TBX18: variants seen among roughly 807,000 people sequenced by gnomAD.
TBX18 encodes T-box transcription factor 18, also known as T-box transcription factor TBX18.
In TBX18, 21 loss-of-function variants were observed where a neutral mutation model predicts 55.0. The observed-to-expected ratio is 0.38, with a 90% confidence interval of 0.27 to 0.55. The LOEUF (loss-of-function observed/expected upper bound fraction) is 0.55. Among genes scored for constraint, TBX18 ranks in the 20% least tolerant of loss-of-function variants. The pLI, the probability that TBX18 is intolerant of heterozygous loss-of-function variation, is 0.73. For synonymous variants in TBX18, 342 were observed against 326.1 expected, an observed-to-expected ratio of 1.05 and a Z score of -0.53; for missense variants, 840 against 799.6, an observed-to-expected ratio of 1.05 and a Z score of -0.61.
chr6:84,737,300 C>A lies in TBX18; in HGVS notation c.1209G>T (p.Gly403=). Residue 403 remains glycine (G), a synonymous_variant, in exon 8 of 8, where the codon GGG becomes GGT. Transcript: ENST00000369663. ...GACTACACAGCTGGCTGGTGTTGGG[C>A]CCCAGATGGAAGGCAGGAGAGGAGC... The part of the protein sequence containing the change: ...SSCSSPAFHL[G]PNTSQLCSLA... 6.9e-6 allele frequency: 11 copies of A among 1,605,648 alleles called. No homozygotes were observed. Among genetic ancestry groups the A allele is most frequent in the Non-Finnish European group, 9.4e-6 (11 of 1,175,876 alleles).
chr6:84,746,348 C>A (rs1767186130), intron 5 of TBX18, among the ~76,000 whole-genome samples: 1 of 149,226 alleles, frequency 6.7e-6, no homozygotes, highest in Non-Finnish European at 1.5e-5. Context: ...AAATCGTTTT[C>A]TGTCCCTAAT....
intron 4 of TBX18, among the ~76,000 whole-genome samples, chr6:84,750,633 G>A (rs1341195916): frequency 1.3e-5 from 2 of 152,102 alleles, no homozygotes; most frequent in South Asian, 2.1e-4. Context: ...TGGAAGCTGG[G>A]TCCCTTGGCC....
At chr6:84,763,811 C>T in intron 1 of TBX18, 79 bp downstream of exon 1, 5 of 1,425,240 alleles carry the variant, frequency 3.5e-6, no homozygotes, top group Non-Finnish European at 4.6e-6. Flanking sequence ...AGGGACGCGG[C>T]GCGCACGCAC....
rs1420195586 is a variant in TBX18 at position 84,737,248 on chromosome 6, C to A, written c.1261G>T (p.Ala421Ser). 2.5e-6 allele frequency: 4 copies of A among 1,608,748 alleles called. No homozygotes were observed. Among genetic ancestry groups the A allele is most frequent in the Middle Eastern group, 1.7e-4 (1 of 6,032 alleles). The change falls in exon 8 of 8, where the codon GCC becomes TCC. Residue 421 changes from alanine to serine, a missense_variant. Transcript: ENST00000369663. ...CGGTTGAGGGTGAGGCCTGAGCGGGCACAGGCAGAATAGTCAGCAGGGGCC... is the reference window on the plus strand; with the variant it reads ...CGGTTGAGGGTGAGGCCTGAGCGGGAACAGGCAGAATAGTCAGCAGGGGCC... ...SLAPADYSAC[A>S]RSGLTLNRYS...
chr6:84,753,597 G>A (rs1767409809), intron 4 of TBX18, among the ~76,000 whole-genome samples: 1 of 152,190 alleles, frequency 6.6e-6, no homozygotes, highest in African/African-American at 2.4e-5. Flanking sequence ...GGGTAGAGGG[G>A]TAAGTTCCCA....
intron 3 of TBX18, among the ~76,000 whole-genome samples, chr6:84,758,092 A>T (rs1325293351): frequency 6.6e-6 from 1 of 152,088 alleles, no homozygotes; most frequent in Non-Finnish European, 1.5e-5. Flanking sequence ...TACAATCATA[A>T]AATTAGGGAT....
chr6:84,763,301 C>T (rs1156885495), intron 1 of TBX18: 2 of 442,666 alleles, frequency 4.5e-6, no homozygotes, highest in Non-Finnish European at 9.0e-6. Context: ...ACCCCGCTTT[C>T]GCCAAACTCC....
chr6:84,743,705 C>G (rs959494296), intron 6 of TBX18, among the ~76,000 whole-genome samples: 6 of 152,124 alleles, frequency 3.9e-5, no homozygotes, highest in African/African-American at 1.4e-4. Context: ...ATTATTGTGG[C>G]TCTACCACTT....
chr6:84,732,989 T>C lies in TBX18; in HGVS notation c.*3696A>G, dbSNP rs539265778. 17 of 152,078 alleles carry C rather than the reference T, an allele frequency of 1.1e-4. No homozygotes were observed. Among genetic ancestry groups the C allele is most frequent in the Non-Finnish European group, 2.2e-4 (15 of 67,988 alleles). 9.4% of individuals were successfully genotyped at this position (152,078 alleles called of 1,614,324 possible). On this transcript the variant is annotated 3_prime_UTR_variant, in exon 8 of 8. Coordinates refer to ENST00000369663, the MANE Select transcript of TBX18 (RefSeq NM_001080508.3). Reference sequence around the variant, plus strand: ...TCATCCCAGCCATTCCTTTCACACATAGCAAAACTGAGACATAAAGCAGCT... The same window carrying C: ...TCATCCCAGCCATTCCTTTCACACACAGCAAAACTGAGACATAAAGCAGCT...
chr6:84,754,881 C>T (rs1352585425), intron 4 of TBX18, among the ~76,000 whole-genome samples: 7 of 152,188 alleles, frequency 4.6e-5, no homozygotes, highest in Non-Finnish European at 1.0e-4. Flanking sequence ...TACAAAACTA[C>T]CTTCACACTC....
At chr6:84,748,654 A>T (rs1411416683) in intron 4 of TBX18, among the ~76,000 whole-genome samples, 4 of 152,220 alleles carry the variant, frequency 2.6e-5, no homozygotes, top group South Asian at 2.1e-4. Flanking sequence ...TGCCTCTATC[A>T]CAATGAGGCT....
chr6:84,754,914 C>T (rs913026674), intron 4 of TBX18, among the ~76,000 whole-genome samples: 2 of 152,142 alleles, frequency 1.3e-5, no homozygotes, highest in African/African-American at 2.4e-5. Context: ...CACTTCTTCC[C>T]TAGGTCTCCA....
Position 84,736,600 on chromosome 6 carries a change from A to G in TBX18, c.*85T>C. 7.0e-7 allele frequency: 1 copy of G among 1,419,432 alleles called. No individual in the cohort carries two copies. The highest frequency in any genetic ancestry group is 9.3e-7 in the Non-Finnish European group (1 of 1,069,608). 87.9% of individuals were successfully genotyped at this position (1,419,432 alleles called of 1,614,324 possible). A position where few individuals can be genotyped will look rare whatever the true frequency, so the allele number is the denominator to read the frequency against. On this transcript the variant is annotated 3_prime_UTR_variant, in exon 8 of 8. Coordinates refer to ENST00000369663, the MANE Select transcript of TBX18 (RefSeq NM_001080508.3). ...ATTATATGTACATTTTATAAACCACAGAGAGTTTCTTTCCACATAGCTTTT... is the reference window on the plus strand; with the variant it reads ...ATTATATGTACATTTTATAAACCACGGAGAGTTTCTTTCCACATAGCTTTT...
chr6:84,758,912 G>A (rs1387922571), intron 3 of TBX18, among the ~76,000 whole-genome samples: 2 of 152,082 alleles, frequency 1.3e-5, no homozygotes, highest in Non-Finnish European at 2.9e-5. Flanking sequence ...TTTCTGAAAT[G>A]TCTTTATTTC....
chr6:84,758,063 C>T (rs1767542635), intron 3 of TBX18, among the ~76,000 whole-genome samples: 1 of 152,040 alleles, frequency 6.6e-6, no homozygotes, highest in Admixed American at 6.6e-5. Flanking sequence ...TCTTTCATTT[C>T]TTTTCTTGGG....
At position 84,763,903 on chromosome 6, in the gene TBX18, C is replaced by T. The variant is rs1384293276; in HGVS notation, c.279G>A (p.Glu93=). 1 of 1,533,024 alleles carries T rather than the reference C, an allele frequency of 6.5e-7. No individual in the cohort carries two copies. Among genetic ancestry groups the T allele is most frequent in the South Asian group, 1.2e-5 (1 of 81,234 alleles). The allele number at this position is 1,533,024 out of a possible 1,614,324, so 95.0% of individuals were successfully genotyped here. ...SGPARSGADL[E]RGAAGGCEDG... ...GGGCCCACTCACCCGCGGCTCCGCG[C>T]TCCAGGTCTGCGCCACTCCGAGCCG... The change falls in exon 1 of 8, where the codon GAG becomes GAA. Residue 93 remains glutamate (E), a synonymous_variant. Coordinates refer to ENST00000369663, the MANE Select transcript of TBX18 (RefSeq NM_001080508.3).
intron 3 of TBX18, among the ~76,000 whole-genome samples, chr6:84,757,733 A>G (rs1582083791): frequency 6.6e-6 from 1 of 152,110 alleles, no homozygotes; most frequent in East Asian, 1.9e-4. Flanking sequence ...TCAAGTAAGA[A>G]ATATTAATAT....
chr6:84,755,987 T>A (rs1244707892), intron 4 of TBX18, among the ~76,000 whole-genome samples: 2 of 152,228 alleles, frequency 1.3e-5, no homozygotes, highest in Non-Finnish European at 2.9e-5. Context: ...CAATCAAAAC[T>A]ATCTTAAATA....
chr6:84,754,923 C>T (rs1767446818), intron 4 of TBX18, among the ~76,000 whole-genome samples: 1 of 152,160 alleles, frequency 6.6e-6, no homozygotes, highest in East Asian at 1.9e-4. Context: ...CCTAGGTCTC[C>T]AGGTGGCTGT....
Sources: allele counts gnomAD v4.1 joint callset (sites outside exome capture counted in the v4.1 genomes callset), GRCh38; gene constraint gnomAD v4.1.1; transcripts MANE v1.5; gene names NCBI Gene and HGNC (gene_info 2026-07-23, HGNC 2026-07-21).